MYO16: variants seen among roughly 807,000 people sequenced by gnomAD.
The protein encoded by MYO16 is myosin XVI.
A neutral mutation model predicts 205.3 loss-of-function variants in MYO16; 94 were observed. That is an observed-to-expected ratio of 0.46 (90% CI 0.39 to 0.54). The LOEUF (loss-of-function observed/expected upper bound fraction) is 0.54. MYO16 is among the 20% of genes least tolerant of loss of function. The pLI is 0.00. For missense variants in MYO16, 2,315 were observed against 2,387.5 expected (o/e 0.97, Z 0.63); for synonymous variants, 988 against 954.0 (o/e 1.04, Z -0.66).
At chr13:108,689,759 A>T (rs146677136) in intron 2 of MYO16, among the ~76,000 whole-genome samples, 47 of 152,328 alleles carry the variant, frequency 3.1e-4, no homozygotes, top group Middle Eastern at 3.4e-3. Flanking sequence ...AAGCTCAAAC[A>T]ATACCAAACC....
chr13:109,092,245 A>G (rs927732690), intron 27 of MYO16, among the ~76,000 whole-genome samples: 2 of 152,228 alleles, frequency 1.3e-5, no homozygotes, highest in African/African-American at 4.8e-5. Flanking sequence ...AACATACAGT[A>G]TATTTTCTAA....
At chr13:108,551,660 T>C in the MYO16 span, among the ~76,000 whole-genome samples, 2 of 152,198 alleles carry the variant, frequency 1.3e-5, no homozygotes, top group Non-Finnish European at 2.9e-5. Context: ...CTTACAAGGA[T>C]TCTGCGTTGC....
chr13:109,107,810 C>CATATTATATTATATT (rs3042873), intron 28 of MYO16, among the ~76,000 whole-genome samples: 23,210 of 141,190 alleles, frequency 0.16, 2,181 homozygotes, highest in East Asian at 0.31. Flanking sequence ...CATATATATT[C>CATATTATATTATATT]ATATTATATT....
At chr13:108,574,806 G>C in the MYO16 span, among the ~76,000 whole-genome samples, 1 of 151,820 alleles carries the variant, frequency 6.6e-6, no homozygotes, top group Admixed American at 6.6e-5. Context: ...AAACACAGTT[G>C]TTAATCACAA....
chr13:109,099,598 C>T (rs1215554211), intron 27 of MYO16, among the ~76,000 whole-genome samples: 2 of 152,094 alleles, frequency 1.3e-5, no homozygotes, highest in African/African-American at 2.4e-5. Context: ...AGGATTTGAA[C>T]GTAGGGACCT....
chr13:108,653,357 A>G (rs1011907264), intron 1 of MYO16, among the ~76,000 whole-genome samples: 1 of 152,130 alleles, frequency 6.6e-6, no homozygotes, highest in East Asian at 1.9e-4. Context: ...TGTGATGCTT[A>G]TGTACTTTTA....
At chr13:108,699,858 A>G (rs1199890779) in intron 2 of MYO16, among the ~76,000 whole-genome samples, 2 of 152,168 alleles carry the variant, frequency 1.3e-5, no homozygotes, top group Non-Finnish European at 2.9e-5. Flanking sequence ...TCTTCTTCTC[A>G]ATGAGAGATA....
chr13:108,887,663 A>C (rs540366023), intron 13 of MYO16, among the ~76,000 whole-genome samples: 1 of 152,338 alleles, frequency 6.6e-6, no homozygotes, highest in Admixed American at 6.5e-5. Context: ...AGATTAAAGA[A>C]AAATGCAAAC....
intron 1 of MYO16, among the ~76,000 whole-genome samples, chr13:108,632,727 A>G (rs543462727): frequency 2.6e-5 from 4 of 152,294 alleles, no homozygotes; most frequent in African/African-American, 9.6e-5. Context: ...CATTTCATGT[A>G]TCTTGGTAGC....
chr13:109,181,118 C>T (rs1879433391), intron 34 of MYO16, among the ~76,000 whole-genome samples: 1 of 152,192 alleles, frequency 6.6e-6, no homozygotes, highest in African/African-American at 2.4e-5. Flanking sequence ...CTGTGTTTGG[C>T]TAAGAATCAA....
chr13:108,808,000 G>T (rs758698962), intron 7 of MYO16, among the ~76,000 whole-genome samples: 2 of 152,098 alleles, frequency 1.3e-5, no homozygotes, highest in African/African-American at 2.4e-5. Flanking sequence ...TGTTGAGGGT[G>T]ACTAAATGAA....
Position 109,072,714 on chromosome 13 carries a change from G to A in MYO16, c.3335+17119G>A, listed in dbSNP as rs191577801. Among the ~76,000 whole-genome samples the A allele has an allele frequency of 1.0e-3, 152 of 152,194 alleles. 2 individuals are homozygous for A. Among genetic ancestry groups the A allele is most frequent in the African/African-American group, 3.4e-3 (142 of 41,516 alleles). ...CAGGGCATTTTGCAACATGGATGGCGGAGTTGGGCCTGTGCAGTAGGTAAG... is the reference window on the plus strand; with the variant it reads ...CAGGGCATTTTGCAACATGGATGGCAGAGTTGGGCCTGTGCAGTAGGTAAG... On this transcript the variant is annotated intron_variant, in intron 27 of 34. Coordinates refer to ENST00000457511, the MANE Select transcript of MYO16 (RefSeq NM_001198950.3).
chr13:108,736,910 A>T (rs1440638652), intron 4 of MYO16, among the ~76,000 whole-genome samples: 2 of 152,196 alleles, frequency 1.3e-5, no homozygotes, highest in African/African-American at 2.4e-5. Context: ...GCAATTGTGA[A>T]TGAGAGATCC....
intron 4 of MYO16, among the ~76,000 whole-genome samples, chr13:108,774,690 G>C (rs542468549): frequency 6.6e-6 from 1 of 151,940 alleles, no homozygotes; most frequent in African/African-American, 2.4e-5. Flanking sequence ...AGGCTAACAA[G>C]TACTGTCAGT....
chr13:109,047,230 T>G (rs551538563), intron 24 of MYO16, among the ~76,000 whole-genome samples: 7 of 152,288 alleles, frequency 4.6e-5, no homozygotes, highest in African/African-American at 1.7e-4. Context: ...GATAGAAATG[T>G]AAAATACCCT....
At chr13:108,571,154 A>G in the MYO16 span, among the ~76,000 whole-genome samples, 1 of 152,046 alleles carries the variant, frequency 6.6e-6, no homozygotes, top group Non-Finnish European at 1.5e-5. Context: ...TTTTCTTTGG[A>G]CTCTTAAGAA....
chr13:108,795,334 G>A (rs112701800), intron 6 of MYO16, among the ~76,000 whole-genome samples: 4,663 of 151,874 alleles, frequency 0.031, 84 homozygotes, highest in African/African-American at 0.05. Context: ...TCAGCCTCCC[G>A]AGTAGCTGGG....
At chr13:108,963,509 C>T (rs1883667273) in intron 19 of MYO16, among the ~76,000 whole-genome samples, 1 of 152,146 alleles carries the variant, frequency 6.6e-6, no homozygotes, top group Admixed American at 6.5e-5. Context: ...CTTTCCCTGC[C>T]TTACAGCAAG....
intron 32 of MYO16, among the ~76,000 whole-genome samples, chr13:109,144,723 T>C (rs1877251652): frequency 1.3e-5 from 2 of 152,242 alleles, no homozygotes; most frequent in Admixed American, 1.3e-4. Context: ...TCAATTTTCA[T>C]AGGAGAAAAT....
Sources: allele counts gnomAD v4.1 joint callset (sites outside exome capture counted in the v4.1 genomes callset), GRCh38; gene constraint gnomAD v4.1.1; transcripts MANE v1.5; gene names NCBI Gene and HGNC (gene_info 2026-07-23, HGNC 2026-07-21).